Variants in ZBTB7C observed in about 807,000 individuals in gnomAD.
ZBTB7C encodes the protein zinc finger and BTB domain containing 7C.
In ZBTB7C, 8 loss-of-function variants were observed where a neutral mutation model predicts 25.7. That is an observed-to-expected ratio of 0.31 (90% CI 0.18 to 0.56). The LOEUF (loss-of-function observed/expected upper bound fraction) is 0.56. ZBTB7C is among the 20% of genes least tolerant of loss of function. ZBTB7C has a pLI of 0.91. For missense variants in ZBTB7C, 824 were observed against 855.2 expected (o/e 0.96, Z 0.46); for synonymous variants, 394 against 369.0 (o/e 1.07, Z -0.78).
chr18:48,087,870 T>C (rs1182567793), intron 3 of ZBTB7C: 1 of 147,086 alleles, frequency 6.8e-6, no homozygotes, highest in Non-Finnish European at 1.5e-5. Flanking sequence ...CATTTTTCCA[T>C]ATTTTTCTTA....
rs193118128 is a variant in ZBTB7C at position 48,246,015 on chromosome 18, A to C, written c.-78-60020T>G. Among the ~76,000 whole-genome samples, 5 of 152,326 alleles carry C rather than the reference A, an allele frequency of 3.3e-5. No individual in the cohort carries two copies. In the East Asian group the frequency reaches 9.6e-4, roughly 29 times the overall value. ...TATAGCTCAGGTGTAACTGAAGTAC[A>C]TTTTCACTATAATATACTGTAAATA... On this transcript the variant is annotated intron_variant, in intron 2 of 4. Transcript: ENST00000590800.
chr18:48,207,890 C>T (rs909033440), intron 2 of ZBTB7C, among the ~76,000 whole-genome samples: 2 of 152,086 alleles, frequency 1.3e-5, no homozygotes, highest in Non-Finnish European at 1.5e-5. Flanking sequence ...TCCGACTGGA[C>T]GGAGGTTTAA....
At chr18:48,037,482 G>A (rs980232938) in intron 4 of ZBTB7C, among the ~76,000 whole-genome samples, 2 of 152,260 alleles carry the variant, frequency 1.3e-5, no homozygotes, top group African/African-American at 4.8e-5. Context: ...ATGTCCCAGG[G>A]TCCAGAGGGT....
chr18:48,346,127 T>C (rs563197111), intron 1 of ZBTB7C, among the ~76,000 whole-genome samples: 3 of 152,354 alleles, frequency 2.0e-5, no homozygotes, highest in African/African-American at 4.8e-5. Context: ...TTCCTCACCA[T>C]GTTGGCCAGG....
intron 3 of ZBTB7C, among the ~76,000 whole-genome samples, chr18:48,182,577 T>C (rs1212823615): frequency 6.6e-6 from 1 of 152,134 alleles, no homozygotes; most frequent in African/African-American, 2.4e-5. Context: ...GTGGATCAGC[T>C]GTGTAACTGT....
chr18:48,365,888 G>A (rs76716885), intron 1 of ZBTB7C, among the ~76,000 whole-genome samples: 6,198 of 152,318 alleles, frequency 0.041, 143 homozygotes, highest in Non-Finnish European at 0.05. Flanking sequence ...AGAAGATGTA[G>A]GAGATATTTT....
At chr18:48,393,196 A>C (rs1222321545) in intron 1 of ZBTB7C, among the ~76,000 whole-genome samples, 2 of 151,950 alleles carry the variant, frequency 1.3e-5, no homozygotes, top group Non-Finnish European at 2.9e-5. Flanking sequence ...AGTGGAATCA[A>C]GCGGGGCCCT....
intron 2 of ZBTB7C, among the ~76,000 whole-genome samples, chr18:48,303,397 C>T (rs1427827339): frequency 6.6e-6 from 1 of 152,158 alleles, no homozygotes; most frequent in South Asian, 2.1e-4. Context: ...GGGAAGTAGG[C>T]CAAATGCTAT....
intron 2 of ZBTB7C, among the ~76,000 whole-genome samples, chr18:48,282,608 GCC>G (rs1367316417): frequency 6.6e-6 from 1 of 152,070 alleles, no homozygotes; most frequent in Non-Finnish European, 1.5e-5. Context: ...TTATCTAAAT[GCC>G]CACCTACAAT....
At chr18:48,405,080 G>C (rs2048247695) in intron 1 of ZBTB7C, among the ~76,000 whole-genome samples, 1 of 152,190 alleles carries the variant, frequency 6.6e-6, no homozygotes, top group South Asian at 2.1e-4. Flanking sequence ...GACAAGCTCA[G>C]TGCCTTGCCA....
intron 3 of ZBTB7C, among the ~76,000 whole-genome samples, chr18:48,055,567 C>G (rs1048376054): frequency 6.6e-6 from 1 of 152,020 alleles, no homozygotes; most frequent in Non-Finnish European, 1.5e-5. Context: ...CACAAGTGCC[C>G]GCTTCTGAAT....
chr18:48,196,127 T>G (rs1457595968), intron 2 of ZBTB7C, among the ~76,000 whole-genome samples: 5 of 152,150 alleles, frequency 3.3e-5, no homozygotes, highest in African/African-American at 1.2e-4. Flanking sequence ...GACAGTTAAT[T>G]GCAGTTTAGA....
chr18:48,339,814 A>C (rs1201502311), intron 1 of ZBTB7C, among the ~76,000 whole-genome samples: 3 of 152,118 alleles, frequency 2.0e-5, no homozygotes, highest in Admixed American at 2.0e-4. Context: ...TAAATAAGAA[A>C]GACAAGAATG....
chr18:48,160,308 A>G (rs2040965388), intron 3 of ZBTB7C, among the ~76,000 whole-genome samples: 1 of 152,222 alleles, frequency 6.6e-6, no homozygotes, highest in Non-Finnish European at 1.5e-5. Context: ...CATGCATCTC[A>G]CCGGTATCTA....
At chr18:48,071,040 T>C (rs376475135) in intron 3 of ZBTB7C, among the ~76,000 whole-genome samples, 47 of 152,352 alleles carry the variant, frequency 3.1e-4, no homozygotes, top group African/African-American at 1.1e-3. Flanking sequence ...TCATACTGCT[T>C]TTCACATCTA....
chr18:48,405,910 C>T (rs113935507), intron 1 of ZBTB7C, among the ~76,000 whole-genome samples: 55 of 141,240 alleles, frequency 3.9e-4, no homozygotes, highest in East Asian at 8.6e-4. Flanking sequence ...GCACACAGGC[C>T]GGGGTTCACT....
intron 3 of ZBTB7C, among the ~76,000 whole-genome samples, chr18:48,132,645 C>A (rs1250702177): frequency 6.6e-6 from 1 of 152,188 alleles, no homozygotes; most frequent in African/African-American, 2.4e-5. Context: ...AGAAAAGTTT[C>A]TGTTGTTTAA....
rs1357063629 is a variant in ZBTB7C at position 48,142,773 on chromosome 18, G to A, written c.-17+43161C>T. Among the ~76,000 whole-genome samples, 62 of 146,852 alleles carry A rather than the reference G, an allele frequency of 4.2e-4. 1 individual carries two copies. The highest frequency in any genetic ancestry group is 1.5e-5 in the Non-Finnish European group (1 of 67,932). On this transcript the variant is annotated intron_variant, in intron 3 of 4. Transcript: ENST00000590800. ...GGGGTGGCACCACTAGCTAGGGGAG[G>A]CAGATTCCCTCTTGTCTTCCTTCCT...
intron 3 of ZBTB7C, among the ~76,000 whole-genome samples, chr18:48,074,641 C>T (rs2037689220): frequency 6.6e-6 from 1 of 152,238 alleles, no homozygotes; most frequent in Non-Finnish European, 1.5e-5. Flanking sequence ...AGACCAATTG[C>T]AGACAGCACT....
Sources: allele counts gnomAD v4.1 joint callset (sites outside exome capture counted in the v4.1 genomes callset), GRCh38; gene constraint gnomAD v4.1.1; transcripts MANE v1.5; gene names NCBI Gene and HGNC (gene_info 2026-07-23, HGNC 2026-07-21).